EIF3J: variants seen among roughly 807,000 people sequenced by gnomAD.
EIF3J encodes eukaryotic translation initiation factor 3, subunit 1 (alpha, 35kD).
EIF3J carries 15 observed loss-of-function variants against 39.0 expected under a neutral mutation model. That is an observed-to-expected ratio of 0.38 (90% CI 0.26 to 0.59). The LOEUF is 0.59. EIF3J is among the 20% of genes least tolerant of loss of function. The probability of loss-of-function intolerance (pLI) is 0.60; values close to 1 mark genes in which losing one functional copy is unlikely to be tolerated. For missense variants in EIF3J, 226 were observed against 308.6 expected (o/e 0.73, Z 2.00); for synonymous variants, 98 against 112.9 (o/e 0.87, Z 0.84).
intron 2 of EIF3J, among the ~76,000 whole-genome samples, chr15:44,541,881 A>G (rs543535454): frequency 1.3e-5 from 2 of 152,350 alleles, no homozygotes; most frequent in East Asian, 1.9e-4. Context: ...GAAAATCTCA[A>G]TCATATCATT....
chr15:44,539,641 C>A (rs2081992216), intron 2 of EIF3J, among the ~76,000 whole-genome samples: 1 of 151,402 alleles, frequency 6.6e-6, no homozygotes, highest in African/African-American at 2.4e-5. Flanking sequence ...ACCTTGTGAT[C>A]TGCCCGCCTT....
At chr15:44,559,360 C>T (rs1041884243) in intron 6 of EIF3J, among the ~76,000 whole-genome samples, 2 of 148,314 alleles carry the variant, frequency 1.3e-5, no homozygotes, top group African/African-American at 5.0e-5. Context: ...TGTGGTGAGC[C>T]GAGATCACGC....
intron 2 of EIF3J, among the ~76,000 whole-genome samples, chr15:44,541,296 A>G (rs1280811355): frequency 6.6e-6 from 1 of 152,220 alleles, no homozygotes; most frequent in Non-Finnish European, 1.5e-5. Context: ...CCATTTTACT[A>G]GTCTCCTAGC....
At chr15:44,547,523 C>G (rs1462400718) in intron 2 of EIF3J, among the ~76,000 whole-genome samples, 1 of 146,822 alleles carries the variant, frequency 6.8e-6, no homozygotes, top group South Asian at 2.2e-4. Context: ...AATCTTGGCT[C>G]ACTGCAACCT....
At chr15:44,553,184 T>G (rs140326594) in intron 4 of EIF3J, among the ~76,000 whole-genome samples, 1,621 of 142,220 alleles carry the variant, frequency 0.011, 40 homozygotes, top group African/African-American at 0.041. Context: ...AGATCCTGCC[T>G]CAAAACAAAA....
intron 4 of EIF3J, among the ~76,000 whole-genome samples, chr15:44,553,219 G>A (rs1595804928): frequency 6.6e-6 from 1 of 151,874 alleles, no homozygotes; most frequent in East Asian, 1.9e-4. Flanking sequence ...ACGGCCAGGC[G>A]TGGTGGCTCA....
At chr15:44,557,332 C>G (rs536536714) in intron 5 of EIF3J, among the ~76,000 whole-genome samples, 157 bp from the exon 6 acceptor site, 33 of 152,268 alleles carry the variant, frequency 2.2e-4, no homozygotes, top group Non-Finnish European at 4.4e-4. Context: ...CCCCCCTCAC[C>G]CAGCCATTCT....
intron 4 of EIF3J, among the ~76,000 whole-genome samples, chr15:44,551,903 C>T (rs1279621079): frequency 2.0e-5 from 3 of 151,510 alleles, no homozygotes; most frequent in Admixed American, 6.6e-5. Context: ...AATCTCGGCT[C>T]AGTGCAACCT....
intron 2 of EIF3J, among the ~76,000 whole-genome samples, chr15:44,540,263 ATATATTTTTTTT>A (rs1373494464): frequency 1.6e-5 from 1 of 61,506 alleles, no homozygotes; most frequent in African/African-American, 5.8e-5. Flanking sequence ...ATATATATAT[ATATATTTTTTTT>A]TTTTTTTTGT....
rs1055703962 is a variant in EIF3J, at chr15:44,562,733, T to G, written c.*1584T>G. 1 of 177,542 alleles carries G rather than the reference T, an allele frequency of 5.6e-6. No homozygotes were observed. The highest frequency in any genetic ancestry group is 1.2e-5 in the Non-Finnish European group (1 of 83,024). 11.0% of individuals were successfully genotyped at this position (177,542 alleles called of 1,614,324 possible). On this transcript the variant is annotated 3_prime_UTR_variant, in exon 8 of 8. Coordinates refer to ENST00000261868, the MANE Select transcript of EIF3J (RefSeq NM_003758.4). ...CTATTTTATTACAGAAAGATCAGTT[T>G]CTAACAAATGAAAATGTATCACCTG...
chr15:44,537,893 A>ATGAG (rs1477811736), intron 2 of EIF3J, among the ~76,000 whole-genome samples: 2 of 152,220 alleles, frequency 1.3e-5, no homozygotes, highest in African/African-American at 4.8e-5. Flanking sequence ...GAGGGATTAG[A>ATGAG]TGAGTGAAAT....
chr15:44,539,732 CTT>C (rs77942286), intron 2 of EIF3J, among the ~76,000 whole-genome samples: 106 of 129,146 alleles, frequency 8.2e-4, no homozygotes, highest in Middle Eastern at 3.8e-3. Flanking sequence ...ATTTCTTTTT[CTT>C]TTTTTTTTTT....
chr15:44,539,026 CTTTTT>C (rs942051829), intron 2 of EIF3J, among the ~76,000 whole-genome samples: 1 of 136,288 alleles, frequency 7.3e-6, no homozygotes, highest in Non-Finnish European at 1.6e-5. Flanking sequence ...GAATATAATT[CTTTTT>C]TTTTTTTTTT....
intron 4 of EIF3J, among the ~76,000 whole-genome samples, chr15:44,552,220 G>C (rs2082105324): frequency 6.6e-6 from 1 of 151,790 alleles, no homozygotes; most frequent in African/African-American, 2.4e-5. Context: ...TTGATTTTTT[G>C]GCACAGGATC....
intron 2 of EIF3J, among the ~76,000 whole-genome samples, chr15:44,538,067 G>A (rs933371834): frequency 6.6e-6 from 1 of 152,072 alleles, no homozygotes; most frequent in Admixed American, 6.6e-5. Flanking sequence ...TTCACACCGT[G>A]ACCTGAGAAA....
intron 4 of EIF3J, among the ~76,000 whole-genome samples, chr15:44,553,651 A>G (rs2082119909): frequency 6.6e-6 from 1 of 152,182 alleles, no homozygotes; most frequent in African/African-American, 2.4e-5. Flanking sequence ...TAATTATACA[A>G]TATGATGAAA....
rs1020087870 is a variant in EIF3J, at chr15:44,562,790, C to G, written c.*1641C>G. ...AACTGTGTAAATAATAATTAAATTT[C>G]TTTGAAACTGGAATCTGCAGGTACA... is the stretch of plus-strand genomic sequence containing the variant. On this transcript the variant is annotated 3_prime_UTR_variant, in exon 8 of 8. Transcript: ENST00000261868. 3 of 240,896 alleles carry G rather than the reference C, an allele frequency of 1.2e-5. No homozygotes were observed. The Admixed American group carries it at 1.5e-4, about 12-fold the overall frequency. The allele number at this position is 240,896 out of a possible 1,614,324, so 14.9% of individuals were successfully genotyped here. A position where few individuals can be genotyped will look rare whatever the true frequency, so the allele number is the denominator to read the frequency against.
Position 44,561,841 on chromosome 15 carries a change from G to A in EIF3J, c.*692G>A, listed in dbSNP as rs2082200194. Reference sequence around the variant, plus strand: ...CTATTTCTACTGATGAACTGCTTCAGGTGGGGGAGGGAAACTTATTTTTAT... The same window carrying A: ...CTATTTCTACTGATGAACTGCTTCAAGTGGGGGAGGGAAACTTATTTTTAT... On this transcript the variant is annotated 3_prime_UTR_variant, in exon 8 of 8. Transcript: ENST00000261868. 6.6e-6 allele frequency: 1 copy of A among 152,564 alleles called. No individual in the cohort carries two copies. Among genetic ancestry groups the A allele is most frequent in the South Asian group, 2.1e-4 (1 of 4,830 alleles). The allele number at this position is 152,564 out of a possible 1,614,324, so 9.5% of individuals were successfully genotyped here.
chr15:44,556,709 C>A (rs2082147344), intron 5 of EIF3J, among the ~76,000 whole-genome samples: 1 of 152,118 alleles, frequency 6.6e-6, no homozygotes, highest in South Asian at 2.1e-4. Context: ...AGGGTTTCAC[C>A]ATGTTGGCCA....
Sources: gnomAD v4.1 joint callset for allele counts (sites outside exome capture counted in the v4.1 genomes callset) on GRCh38, gnomAD v4.1.1 for gene constraint, MANE v1.5 for transcripts, NCBI Gene and HGNC (gene_info 2026-07-23, HGNC 2026-07-21) for gene names.